Variants in CELF2 observed in about 807,000 individuals in gnomAD.
CELF2 encodes the protein CUG triplet repeat RNA-binding protein 2.
In CELF2, 8 loss-of-function variants were observed where a neutral mutation model predicts 62.6. That is an observed-to-expected ratio of 0.13 (90% CI 0.07 to 0.23). CELF2 has a LOEUF of 0.23. CELF2 is among the 10% of genes least tolerant of loss of function. CELF2 has a pLI of 1.00. For synonymous variants in CELF2, 258 were observed against 250.0 expected (o/e 1.03, Z -0.30); for missense variants, 333 against 671.0 (o/e 0.50, Z 5.56).
At chr10:10,530,180 G>A in the CELF2 span, among the ~76,000 whole-genome samples, 1 of 152,164 alleles carries the variant, frequency 6.6e-6, no homozygotes, top group African/African-American at 2.4e-5. Flanking sequence ...AGTGATGAAA[G>A]AACAGCCTCT....
intron 2 of CELF2, among the ~76,000 whole-genome samples, chr10:10,984,907 A>G (rs1055548019): frequency 2.0e-5 from 3 of 152,094 alleles, no homozygotes; most frequent in Non-Finnish European, 4.4e-5. Flanking sequence ...TCATTCTTTC[A>G]ATTTTAAAAG....
Position 11,011,704 on chromosome 10 carries a change from A to G in CELF2, c.53+6264A>G, listed in dbSNP as rs2056496894. ...ATACTCCACTCTGTATAGCTTGACT[A>G]GGTAGCTATACCACTTTTTCCTAAA... On this transcript the variant is annotated intron_variant, in intron 1 of 12. Coordinates refer to the CELF2 transcript ENST00000416382. This position sits in a 1 kb window ranked among gnomAD's most constrained non-coding sequence, Gnocchi z 4.6. Among the ~76,000 whole-genome samples, 1 of 151,398 alleles carries G rather than the reference A, an allele frequency of 6.6e-6. No homozygotes were observed. The highest frequency in any genetic ancestry group is 2.5e-5 in the African/African-American group (1 of 40,802).
the CELF2 span, among the ~76,000 whole-genome samples, chr10:10,761,722 A>G: frequency 2.0e-5 from 3 of 152,122 alleles, no homozygotes; most frequent in African/African-American, 2.4e-5. Flanking sequence ...CTGAAACGTT[A>G]GCTCTGGGTC....
At chr10:11,063,436 G>A (rs1271940534) in intron 1 of CELF2, among the ~76,000 whole-genome samples, 1 of 152,194 alleles carries the variant, frequency 6.6e-6, no homozygotes, top group African/African-American at 2.4e-5. Flanking sequence ...ATTGAAACTA[G>A]AGAATTTTAA....
At chr10:11,066,599 T>C (rs532242413) in intron 1 of CELF2, among the ~76,000 whole-genome samples, 1 of 152,274 alleles carries the variant, frequency 6.6e-6, no homozygotes, top group African/African-American at 2.4e-5. Context: ...ATCCCACTTG[T>C]CAGCCTCAGG....
intron 1 of CELF2, among the ~76,000 whole-genome samples, chr10:11,051,521 C>G (rs922641777): frequency 2.0e-5 from 3 of 152,114 alleles, no homozygotes; most frequent in Admixed American, 6.5e-5. Context: ...GATGCCTGCC[C>G]GATCAAGTAT....
At chr10:11,250,757 T>C (rs143747686) in intron 4 of CELF2, among the ~76,000 whole-genome samples, 1 of 152,378 alleles carries the variant, frequency 6.6e-6, no homozygotes, top group Non-Finnish European at 1.5e-5. Context: ...GGTAACTGTC[T>C]CACCTAAGTT....
At chr10:10,920,878 G>C (rs1177297383) in intron 2 of CELF2, among the ~76,000 whole-genome samples, 1 of 152,072 alleles carries the variant, frequency 6.6e-6, no homozygotes, top group Non-Finnish European at 1.5e-5. Context: ...TAATTTAAGA[G>C]GTATTTTGCT....
At chr10:10,872,726 G>GA (rs1229135145) in intron 1 of CELF2, among the ~76,000 whole-genome samples, 2 of 152,166 alleles carry the variant, frequency 1.3e-5, no homozygotes, top group Non-Finnish European at 2.9e-5. Context: ...GGCTTTTATG[G>GA]AAAAATTTTT....
chr10:11,080,441 A>G lies in CELF2; in HGVS notation c.74+62278A>G, dbSNP rs574043773. ...GGATGTGGCTATTACTAGTTCCTCT[A>G]TTAAGACCAGGAACATACAGTTTGC... On this transcript the variant is annotated intron_variant, in intron 1 of 12. Transcript: ENST00000633077. 9.2e-5 allele frequency among the ~76,000 whole-genome samples: 14 copies of G among 152,374 alleles called. No individual in the cohort carries two copies. In the South Asian group the frequency reaches 2.1e-3, roughly 23 times the overall value.
rs573277277 is a variant in CELF2 at position 11,235,182 on chromosome 10, T to TA, written c.355-13968dup. 2.9e-4 allele frequency among the ~76,000 whole-genome samples: 44 copies of TA among 152,108 alleles called. No homozygotes were observed. The East Asian group carries it at 8.3e-3, about 29-fold the overall frequency. On this transcript the variant is annotated intron_variant, in intron 3 of 12. Coordinates refer to ENST00000633077, the MANE Select transcript of CELF2 (RefSeq NM_001326342.2). Reference sequence around the variant, plus strand: ...AAAGACAAAAAAAACAAAGCAAACATAAAGAGGCAAGCTTCGCAAGTCCCC... The same window carrying TA: ...AAAGACAAAAAAAACAAAGCAAACATAAAAGAGGCAAGCTTCGCAAGTCCCC...
chr10:11,229,618 A>G (rs1336349143), intron 3 of CELF2, among the ~76,000 whole-genome samples: 1 of 147,698 alleles, frequency 6.8e-6, no homozygotes, highest in Non-Finnish European at 1.5e-5. Context: ...TTTTTTTGAG[A>G]CAGTCTCGCT....
chr10:11,016,032 G>A (rs2057210132), upstream of CELF2, among the ~76,000 whole-genome samples: 1 of 152,112 alleles, frequency 6.6e-6, no homozygotes, highest in Non-Finnish European at 1.5e-5. The surrounding 1 kb of genome is among the most constrained non-coding windows in gnomAD (Gnocchi z 5.2). Context: ...TTCTGTTTTG[G>A]AGGCCAAGTC....
the CELF2 span, among the ~76,000 whole-genome samples, chr10:10,669,159 G>T: frequency 6.6e-6 from 1 of 152,194 alleles, no homozygotes; most frequent in Non-Finnish European, 1.5e-5. Flanking sequence ...AGATTCTCAG[G>T]TTGAAAGCAG....
At chr10:10,705,559 T>C in the CELF2 span, among the ~76,000 whole-genome samples, 14 of 151,872 alleles carry the variant, frequency 9.2e-5, no homozygotes, top group African/African-American at 2.4e-4. Context: ...AAATCTAGAG[T>C]GGAGCCTACA....
At chr10:11,205,390 C>A (rs73577498) in intron 2 of CELF2, among the ~76,000 whole-genome samples, 1 of 152,194 alleles carries the variant, frequency 6.6e-6, no homozygotes, top group African/African-American at 2.4e-5. Context: ...TAGGGCTCAG[C>A]GCTCTATGGA....
chr10:11,013,428 C>A (rs191487725), upstream of CELF2, among the ~76,000 whole-genome samples: 17 of 152,256 alleles, frequency 1.1e-4, no homozygotes, highest in African/African-American at 4.1e-4. This position sits in a 1 kb window ranked among gnomAD's most constrained non-coding sequence, Gnocchi z 4.1. Flanking sequence ...TTGGAAGCTG[C>A]AGACCACGCT....
chr10:10,804,946 G>C (rs1443951324), intron 1 of CELF2, among the ~76,000 whole-genome samples: 2 of 152,230 alleles, frequency 1.3e-5, no homozygotes, highest in African/African-American at 4.8e-5. Flanking sequence ...ACATCTTAAA[G>C]ATGTATAGAG....
chr10:10,744,284 T>G, the CELF2 span, among the ~76,000 whole-genome samples: 1 of 152,240 alleles, frequency 6.6e-6, no homozygotes, highest in Non-Finnish European at 1.5e-5. Context: ...ATCATTCAAA[T>G]GCATATAATT....
Sources: allele counts gnomAD v4.1 joint callset (sites outside exome capture counted in the v4.1 genomes callset), GRCh38; gene constraint gnomAD v4.1.1; non-coding constraint Gnocchi (gnomAD v3.1); transcripts MANE v1.5; gene names NCBI Gene and HGNC (gene_info 2026-07-23, HGNC 2026-07-21).